The following TMTC4 variants were observed in gnomAD, a reference collection of about 807,000 sequenced individuals.
The protein encoded by TMTC4 is transmembrane O-mannosyltransferase targeting cadherins 4, also known as protein O-mannosyl-transferase TMTC4.
A neutral mutation model predicts 86.0 loss-of-function variants in TMTC4; 65 were observed. The ratio of observed to expected loss-of-function variants is 0.76; its 90% confidence interval spans 0.62 to 0.93. The LOEUF is 0.93. Among genes scored for constraint, TMTC4 ranks in the 40% least tolerant of loss-of-function variants. TMTC4 has a pLI of 0.00. For missense variants in TMTC4, 866 were observed against 948.1 expected (o/e 0.91, Z 1.14); for synonymous variants, 379 against 382.5 (o/e 0.99, Z 0.11).
intron 15 of TMTC4, among the ~76,000 whole-genome samples, chr13:100,620,250 G>C (rs1407296980): frequency 6.6e-6 from 1 of 152,166 alleles, no homozygotes; most frequent in African/African-American, 2.4e-5. Context: ...TCTGTCAACA[G>C]GCACTGGATG....
At chr13:100,624,342 A>C (rs1566578927) in intron 15 of TMTC4, 1 of 62,292 alleles carries the variant, frequency 1.6e-5, no homozygotes, top group Non-Finnish European at 3.8e-5. Context: ...ACTCTGTCTC[A>C]AAAAAAAAAA....
Position 100,604,714 on chromosome 13 carries a change from T to C in TMTC4, c.*280A>G, listed in dbSNP as rs759515915. 6 of 267,248 alleles carry C rather than the reference T, an allele frequency of 2.2e-5. No homozygotes were observed. Among genetic ancestry groups the C allele is most frequent in the Non-Finnish European group, 2.8e-5 (4 of 144,604 alleles). The allele number at this position is 267,248 out of a possible 1,614,324, so 16.6% of individuals were successfully genotyped here. A position where few individuals can be genotyped will look rare whatever the true frequency, so the allele number is the denominator to read the frequency against. Reference sequence around the variant, plus strand: ...CAATTCTACTAAAAGTTGCTCAAGATAATTTTTTCTCTTTTTCTGTTTAAT... The same window carrying C: ...CAATTCTACTAAAAGTTGCTCAAGACAATTTTTTCTCTTTTTCTGTTTAAT... On this transcript the variant is annotated 3_prime_UTR_variant, in exon 19 of 19. Coordinates refer to ENST00000342624, the MANE Select transcript of TMTC4 (RefSeq NM_032813.5).
chr13:100,634,093 C>T (rs1378357532), intron 12 of TMTC4, among the ~76,000 whole-genome samples: 6 of 150,694 alleles, frequency 4.0e-5, no homozygotes, highest in South Asian at 2.1e-4. Context: ...GAGCCGAGAT[C>T]GCACCACTGC....
At chr13:100,623,647 T>TG (rs1306068032) in intron 15 of TMTC4, among the ~76,000 whole-genome samples, 1 of 120,756 alleles carries the variant, frequency 8.3e-6, no homozygotes, top group Non-Finnish European at 2.0e-5. Flanking sequence ...TGGGTTTTGT[T>TG]TTTTTTTTTT....
At chr13:100,660,339 AAAAAAAAAAGAAAAG>A (rs1447522764) in intron 5 of TMTC4, among the ~76,000 whole-genome samples, 15 of 151,500 alleles carry the variant, frequency 9.9e-5, no homozygotes, top group African/African-American at 3.6e-4. Flanking sequence ...TCAAAAAAAA[AAAAAAAAAAGAAAAG>A]AAAAAAAAAG....
intron 15 of TMTC4, among the ~76,000 whole-genome samples, chr13:100,615,401 G>A (rs150873301): frequency 0.033 from 5,023 of 151,688 alleles, 119 homozygotes; most frequent in Non-Finnish European, 0.05. Context: ...TCAGCCTCCC[G>A]AAGTGCTGGG....
chr13:100,674,741 T>C lies in TMTC4; in HGVS notation c.-208+3A>G, dbSNP rs1887632165. On this transcript the variant is annotated splice_donor_region_variant and intron_variant, in intron 1 of 18. Transcript: ENST00000342624. ...GCCCTGCAGGGGCCGCCCCGCGCGT[T>C]ACCTGCAAGGAGCCTGAGCCCCGGC... is the stretch of plus-strand genomic sequence containing the variant. 41 of 983,336 alleles carry C rather than the reference T, an allele frequency of 4.2e-5. No homozygotes were observed. The highest frequency in any genetic ancestry group is 6.2e-5 in the Admixed American group (1 of 16,110). The allele number at this position is 983,336 out of a possible 1,614,324, so 60.9% of individuals were successfully genotyped here.
chr13:100,638,077 G>T, intron 7 of TMTC4, 55 bp from the exon 8 acceptor site: 1 of 1,350,914 alleles, frequency 7.4e-7, no homozygotes, highest in Non-Finnish European at 1.1e-6. Flanking sequence ...GTGTTAGGCA[G>T]CAATTACACT....
chr13:100,673,839 C>T (rs1461401820), intron 1 of TMTC4, among the ~76,000 whole-genome samples: 1 of 152,180 alleles, frequency 6.6e-6, no homozygotes, highest in Non-Finnish European at 1.5e-5. Flanking sequence ...GCGCCCGGCG[C>T]AGACAGGACT....
At chr13:100,623,835 A>C (rs1295684982) in intron 15 of TMTC4, 18 of 455,022 alleles carry the variant, frequency 4.0e-5, no homozygotes, top group Non-Finnish European at 4.4e-6. Flanking sequence ...TGTGCGGCCA[A>C]AACCAGATGA....
In TMTC4 at chr13:100,606,391, T is replaced by G; in HGVS notation, c.2101A>C (p.Asn701His). The change falls in exon 18 of 19, where the codon AAT becomes CAT. Residue 701 changes from asparagine (N) to histidine (H), a missense_variant. Asn to His is a moderately conservative substitution (Grantham distance 68). Transcript: ENST00000342624. The stretch of plus-strand genomic sequence containing the variant: ...CCATGGTAACTTGCAGCATTTGGAT[T>G]TGCTTTAATTGCCTTGAGGAATAAA... ...EALFLKAIKA[N>H]PNAASYHGNL... The G allele has an allele frequency of 6.2e-7, 1 of 1,613,490 alleles. No homozygotes were observed. The highest frequency in any genetic ancestry group is 8.5e-7 in the Non-Finnish European group (1 of 1,179,876).
intron 7 of TMTC4, among the ~76,000 whole-genome samples, chr13:100,640,183 G>A (rs1013297436): frequency 6.6e-6 from 1 of 151,758 alleles, no homozygotes; most frequent in African/African-American, 2.4e-5. Context: ...TGCCCTCCAG[G>A]GGGGTGTTTG....
chr13:100,636,791 T>G, intron 9 of TMTC4, 57 bp from the exon 10 acceptor site: 1 of 1,568,622 alleles, frequency 6.4e-7, no homozygotes, highest in Non-Finnish European at 8.7e-7. Flanking sequence ...AAAACACATA[T>G]ATACGCACTA....
chr13:100,645,414 C>T (rs184134388), intron 6 of TMTC4, among the ~76,000 whole-genome samples: 4 of 152,222 alleles, frequency 2.6e-5, no homozygotes, highest in African/African-American at 9.6e-5. Flanking sequence ...GGTCTCTCTG[C>T]AATTCACTTG....
At chr13:100,657,949 A>G (rs1325866149) in intron 5 of TMTC4, among the ~76,000 whole-genome samples, 1 of 152,154 alleles carries the variant, frequency 6.6e-6, no homozygotes, top group Non-Finnish European at 1.5e-5. Context: ...TGGCTGGGAA[A>G]ATTGAATAAG....
chr13:100,648,539 C>G (rs1884034906), intron 6 of TMTC4, among the ~76,000 whole-genome samples: 1 of 152,166 alleles, frequency 6.6e-6, no homozygotes, highest in Non-Finnish European at 1.5e-5. Context: ...ATCAAAGACC[C>G]AGCTCACAGA....
chr13:100,637,391 T>G, intron 9 of TMTC4, 147 bp downstream of exon 9: 1 of 1,085,710 alleles, frequency 9.2e-7, no homozygotes, highest in Non-Finnish European at 1.3e-6. Context: ...CAGAACATCT[T>G]TAGTGATCGC....
intron 5 of TMTC4, among the ~76,000 whole-genome samples, chr13:100,661,523 T>C (rs1885774178): frequency 6.6e-6 from 1 of 152,186 alleles, no homozygotes. Context: ...TTATTCAGGA[T>C]CAATGGCTGC....
chr13:100,674,606 T>A (rs1468677794), intron 1 of TMTC4, 138 bp downstream of exon 1: 1 of 981,226 alleles, frequency 1.0e-6, no homozygotes, highest in Admixed American at 6.2e-5. Flanking sequence ...AACCAACTCC[T>A]CCAGCAGCGC....
Sources: allele counts gnomAD v4.1 joint callset (sites outside exome capture counted in the v4.1 genomes callset), GRCh38; gene constraint gnomAD v4.1.1; transcripts MANE v1.5; gene names NCBI Gene and HGNC (gene_info 2026-07-23, HGNC 2026-07-21).